NLGN1: variants seen among roughly 807,000 people sequenced by gnomAD.
NLGN1 encodes neuroligin-1.
Under a neutral mutation model 65.5 loss-of-function variants are expected in NLGN1, and 12 were observed. That is an observed-to-expected ratio of 0.18 (90% CI 0.12 to 0.30). The LOEUF is 0.30. NLGN1 is among the 10% of genes least tolerant of loss of function. NLGN1 has a pLI of 1.00. For synonymous variants in NLGN1, 350 were observed against 359.5 expected, an observed-to-expected ratio of 0.97 and a Z score of 0.30; for missense variants, 750 against 1,007.1, an observed-to-expected ratio of 0.74 and a Z score of 3.46.
intron 2 of NLGN1, among the ~76,000 whole-genome samples, chr3:173,527,518 C>A (rs1448641622): frequency 1.3e-5 from 2 of 152,220 alleles, no homozygotes; most frequent in Non-Finnish European, 2.9e-5. Flanking sequence ...CTGCCTCAGC[C>A]TCCCAAGTAG....
chr3:173,680,837 A>C (rs926949168), intron 3 of NLGN1, among the ~76,000 whole-genome samples: 11 of 152,318 alleles, frequency 7.2e-5, no homozygotes, highest in African/African-American at 2.2e-4. Flanking sequence ...CGTTCTGAAC[A>C]AAGAACTAAT....
chr3:174,137,453 C>T lies in NLGN1; in HGVS notation c.647-137862C>T, dbSNP rs116871371. ...TCTACCTAATTAACTAGCCATATGA[C>T]CTTGGAAAACTAATGTCAACCTTCT... On this transcript the variant is annotated intron_variant, in intron 4 of 6. Coordinates refer to ENST00000457714, the Ensembl canonical transcript of NLGN1. Among the ~76,000 whole-genome samples the T allele has an allele frequency of 1.7e-3, 257 of 152,180 alleles. 6 individuals carry two copies. The East Asian group carries it at 0.046, about 27-fold the overall frequency.
At chr3:174,151,929 A>G (rs796212797) in intron 4 of NLGN1, among the ~76,000 whole-genome samples, 24 of 152,288 alleles carry the variant, frequency 1.6e-4, no homozygotes, top group African/African-American at 5.3e-4. Flanking sequence ...TATATATACC[A>G]TGAACTTCCA....
chr3:174,001,074 TA>T (rs1240840450), intron 4 of NLGN1, among the ~76,000 whole-genome samples: 2 of 152,154 alleles, frequency 1.3e-5, no homozygotes, highest in Non-Finnish European at 2.9e-5. Context: ...ATGAAAGATT[TA>T]ATTGTACAGA....
chr3:174,241,650 C>CTT (rs749477095), intron 4 of NLGN1, among the ~76,000 whole-genome samples: 6 of 143,750 alleles, frequency 4.2e-5, no homozygotes, highest in Admixed American at 7.0e-5. Flanking sequence ...TCCAACATAT[C>CTT]TTTTTTTTTT....
At chr3:174,136,941 T>A (rs1375217115) in intron 4 of NLGN1, among the ~76,000 whole-genome samples, 4 of 152,120 alleles carry the variant, frequency 2.6e-5, no homozygotes, top group Non-Finnish European at 5.9e-5. Flanking sequence ...GAAAGTGCAT[T>A]TAATACATCT....
intron 4 of NLGN1, among the ~76,000 whole-genome samples, chr3:173,848,261 A>T (rs1726203752): frequency 6.6e-6 from 1 of 152,212 alleles, no homozygotes; most frequent in Non-Finnish European, 1.5e-5. Flanking sequence ...AATAGTAGCC[A>T]TTAACAACCC....
At chr3:174,102,762 A>T (rs1370232077) in intron 4 of NLGN1, among the ~76,000 whole-genome samples, 2 of 152,148 alleles carry the variant, frequency 1.3e-5, no homozygotes, top group African/African-American at 4.8e-5. Flanking sequence ...TGGACAGTTA[A>T]TATCATGATT....
At chr3:173,540,973 A>T (rs1195654303) in intron 2 of NLGN1, among the ~76,000 whole-genome samples, 1 of 152,138 alleles carries the variant, frequency 6.6e-6, no homozygotes, top group Non-Finnish European at 1.5e-5. Context: ...TAAGAAGTTA[A>T]TTGAAGATGT....
chr3:173,873,498 G>T (rs977351269), intron 4 of NLGN1, among the ~76,000 whole-genome samples: 1 of 152,146 alleles, frequency 6.6e-6, no homozygotes, highest in African/African-American at 2.4e-5. Flanking sequence ...TAAATAGAAA[G>T]CATTTAAAAG....
chr3:173,948,948 A>C (rs1283076674), intron 4 of NLGN1, among the ~76,000 whole-genome samples: 1 of 152,078 alleles, frequency 6.6e-6, no homozygotes, highest in Non-Finnish European at 1.5e-5. Flanking sequence ...CAGAAGATAA[A>C]ATTTAGTAAA....
chr3:173,484,988 C>G (rs922931018), intron 2 of NLGN1, among the ~76,000 whole-genome samples: 6 of 151,988 alleles, frequency 3.9e-5, no homozygotes, highest in African/African-American at 1.5e-4. Flanking sequence ...TAAAGACTTA[C>G]TCAAGACTGA....
At chr3:173,641,728 G>A in intron 3 of NLGN1, among the ~76,000 whole-genome samples, 1 of 152,174 alleles carries the variant, frequency 6.6e-6, no homozygotes. Context: ...TTAATACTAG[G>A]TTTAATCTTT....
intron 1 of NLGN1, among the ~76,000 whole-genome samples, chr3:173,405,478 C>A (rs545391235): frequency 6.6e-6 from 1 of 152,092 alleles, no homozygotes; most frequent in South Asian, 2.1e-4. Flanking sequence ...TTAAAGGTGT[C>A]AGAGTCAATG....
chr3:174,088,816 TA>T (rs1213540541), intron 4 of NLGN1, among the ~76,000 whole-genome samples: 3 of 150,270 alleles, frequency 2.0e-5, no homozygotes, highest in African/African-American at 7.3e-5. Flanking sequence ...AAAACTAGAT[TA>T]TTTTTTACTT....
chr3:173,710,581 C>A (rs1449854581), intron 3 of NLGN1, among the ~76,000 whole-genome samples: 1 of 152,160 alleles, frequency 6.6e-6, no homozygotes, highest in Non-Finnish European at 1.5e-5. Flanking sequence ...ATGCCTGCAA[C>A]AACCACTGAA....
chr3:173,782,685 G>A (rs1781353771), intron 3 of NLGN1, among the ~76,000 whole-genome samples: 1 of 116,422 alleles, frequency 8.6e-6, no homozygotes, highest in Non-Finnish European at 1.8e-5. Context: ...TGTACTCAAA[G>A]CTTACCTTTT....
intron 4 of NLGN1, among the ~76,000 whole-genome samples, chr3:174,224,776 G>A (rs1045335517): frequency 6.6e-6 from 1 of 152,076 alleles, no homozygotes. Flanking sequence ...CAAGCTAACC[G>A]AACTTTTTTT....
chr3:173,731,963 G>A (rs1033649762), intron 3 of NLGN1, among the ~76,000 whole-genome samples: 1 of 152,004 alleles, frequency 6.6e-6, no homozygotes, highest in African/African-American at 2.4e-5. Context: ...TGTTAAAATA[G>A]ATGATGTATA....
Sources: allele counts gnomAD v4.1 joint callset (sites outside exome capture counted in the v4.1 genomes callset), GRCh38; gene constraint gnomAD v4.1.1; transcripts MANE v1.5; gene names NCBI Gene and HGNC (gene_info 2026-07-23, HGNC 2026-07-21).